The following MIPOL1 variants were observed in gnomAD, a reference collection of about 807,000 sequenced individuals.
MIPOL1 encodes mirror-image polydactyly gene 1 protein.
A neutral mutation model predicts 60.9 loss-of-function variants in MIPOL1; 57 were observed. The observed-to-expected ratio is 0.94, with a 90% CI of 0.76 to 1.17. MIPOL1 has a LOEUF of 1.17. Ranked by LOEUF, MIPOL1 falls within the 50% of genes most tolerant of loss-of-function variation. MIPOL1 has a pLI of 0.00. For synonymous variants in MIPOL1, 179 were observed against 168.8 expected (o/e 1.06, Z -0.47); for missense variants, 551 against 511.6 (o/e 1.08, Z -0.74).
At chr14:37,283,366 G>A (rs1416702414) in intron 6 of MIPOL1, among the ~76,000 whole-genome samples, 4 of 151,594 alleles carry the variant, frequency 2.6e-5, no homozygotes, top group African/African-American at 7.3e-5. Flanking sequence ...CACGCCTGGC[G>A]CCTCATGCTG....
At chr14:37,479,468 A>T (rs1258375416) in intron 11 of MIPOL1, among the ~76,000 whole-genome samples, 3 of 152,178 alleles carry the variant, frequency 2.0e-5, no homozygotes, top group African/African-American at 7.2e-5. Context: ...AAATTAAAAG[A>T]AATATTTAAA....
intron 11 of MIPOL1, among the ~76,000 whole-genome samples, chr14:37,485,554 G>A (rs2094934418): frequency 6.6e-6 from 1 of 152,048 alleles, no homozygotes; most frequent in Non-Finnish European, 1.5e-5. Context: ...ATCTCATTGT[G>A]GTTTTCATTT....
At chr14:37,400,183 A>G (rs765236679) in intron 10 of MIPOL1, 1 of 152,126 alleles carries the variant, frequency 6.6e-6, no homozygotes, top group Non-Finnish European at 1.5e-5. Context: ...AAAGTATTTC[A>G]TGAATGAAGT....
chr14:37,356,302 C>T (rs1202033766), intron 9 of MIPOL1, among the ~76,000 whole-genome samples: 1 of 151,708 alleles, frequency 6.6e-6, no homozygotes, highest in Non-Finnish European at 1.5e-5. Context: ...AACCACTGCT[C>T]TCTTCAAAGC....
intron 12 of MIPOL1, among the ~76,000 whole-genome samples, chr14:37,514,937 C>G (rs752335647): frequency 6.0e-4 from 92 of 152,102 alleles, no homozygotes; most frequent in Non-Finnish European, 9.7e-4. Flanking sequence ...GGGAGAAACT[C>G]AATTGAACCC....
intron 9 of MIPOL1, among the ~76,000 whole-genome samples, chr14:37,313,602 G>C (rs1457089317): frequency 6.6e-6 from 1 of 152,094 alleles, no homozygotes; most frequent in Non-Finnish European, 1.5e-5. Flanking sequence ...ACTCAAAACA[G>C]AAGGCAAAAG....
intron 6 of MIPOL1, chr14:37,277,791 T>C (rs1207366617): frequency 6.6e-6 from 1 of 151,394 alleles, no homozygotes; most frequent in East Asian, 1.9e-4. Context: ...GGTGTGTATA[T>C]ACATAAAGAT....
chr14:37,235,929 ATT>A (rs199777000), intron 1 of MIPOL1, among the ~76,000 whole-genome samples: 2 of 143,712 alleles, frequency 1.4e-5, no homozygotes, highest in East Asian at 2.0e-4. Context: ...AGTATTTTCA[ATT>A]TTTTTTTTTT....
chr14:37,297,280 A>AAT (rs1190033482), intron 7 of MIPOL1, among the ~76,000 whole-genome samples: 1 of 152,190 alleles, frequency 6.6e-6, no homozygotes, highest in African/African-American at 2.4e-5. Context: ...ACTCTCAATA[A>AAT]ATTAGGTATT....
intron 1 of MIPOL1, among the ~76,000 whole-genome samples, chr14:37,226,803 CA>C (rs1201155060): frequency 1.3e-5 from 2 of 149,494 alleles, no homozygotes; most frequent in African/African-American, 2.4e-5. Context: ...GATCCTATTT[CA>C]AAAAAAAAGG....
rs79504351 is a variant in MIPOL1 at position 37,413,630 on chromosome 14, G to A, written c.937-9225G>A. On this transcript the variant is annotated intron_variant, in intron 10 of 12. Coordinates refer to ENST00000684589, the MANE Select transcript of MIPOL1 (RefSeq NM_001388067.1). ...TTTCATATAACCTAACATATTCACA[G>A]GTTCTGGGGAATAGGATGTGGGCCA... Among the ~76,000 whole-genome samples, 720 of 152,254 alleles carry A rather than the reference G, an allele frequency of 4.7e-3. 4 individuals carry two copies. Among genetic ancestry groups the A allele is most frequent in the African/African-American group, 0.015 (637 of 41,542 alleles).
chr14:37,392,327 T>C (rs2093268533), intron 10 of MIPOL1, among the ~76,000 whole-genome samples: 1 of 152,200 alleles, frequency 6.6e-6, no homozygotes, highest in African/African-American at 2.4e-5. Context: ...TTAGCACTAT[T>C]ACAATGGTAT....
intron 11 of MIPOL1, among the ~76,000 whole-genome samples, chr14:37,464,636 A>G (rs1330209296): frequency 6.6e-6 from 1 of 152,156 alleles, no homozygotes; most frequent in Non-Finnish European, 1.5e-5. Context: ...GTTGGGTACA[A>G]TGTTCACTAT....
chr14:37,429,718 T>G (rs2094026555), intron 11 of MIPOL1, among the ~76,000 whole-genome samples: 1 of 152,234 alleles, frequency 6.6e-6, no homozygotes, highest in Admixed American at 6.5e-5. Context: ...TCTATATTAC[T>G]TTAGTAAATT....
intron 12 of MIPOL1, among the ~76,000 whole-genome samples, chr14:37,529,530 G>GTA (rs1004963475): frequency 2.0e-5 from 3 of 151,954 alleles, no homozygotes; most frequent in Non-Finnish European, 2.9e-5. Flanking sequence ...GTATATGTAT[G>GTA]TATATATATA....
chr14:37,311,588 G>T (rs2087327525), intron 9 of MIPOL1, among the ~76,000 whole-genome samples: 1 of 151,806 alleles, frequency 6.6e-6, no homozygotes, highest in Admixed American at 6.6e-5. Flanking sequence ...TTACACTTTT[G>T]AATTATTGTC....
At chr14:37,273,180 TAG>T (rs919161203) in intron 6 of MIPOL1, among the ~76,000 whole-genome samples, 1 of 150,952 alleles carries the variant, frequency 6.6e-6, no homozygotes, top group African/African-American at 2.4e-5. Context: ...TTAAGTGAAA[TAG>T]GGGAAAAACT....
At chr14:37,532,008 G>A (rs1410985786) in intron 12 of MIPOL1, among the ~76,000 whole-genome samples, 2 of 151,918 alleles carry the variant, frequency 1.3e-5, no homozygotes, top group Non-Finnish European at 2.9e-5. Flanking sequence ...AGGGATGGAG[G>A]GTGACTATGT....
intron 10 of MIPOL1, among the ~76,000 whole-genome samples, chr14:37,419,322 A>G (rs558315176): frequency 6.6e-6 from 1 of 152,332 alleles, no homozygotes; most frequent in South Asian, 2.1e-4. Context: ...AAATCACATC[A>G]CTGATTGCCA....
Sources: gnomAD v4.1 joint callset for allele counts (sites outside exome capture counted in the v4.1 genomes callset) on GRCh38, gnomAD v4.1.1 for gene constraint, MANE v1.5 for transcripts, NCBI Gene and HGNC (gene_info 2026-07-23, HGNC 2026-07-21) for gene names.